HOOK3: variants seen among roughly 807,000 people sequenced by gnomAD.
HOOK3 encodes the protein protein Hook homolog 3.
HOOK3 carries 24 observed loss-of-function variants against 116.3 expected under a neutral mutation model. That is an observed-to-expected ratio of 0.21 (90% CI 0.15 to 0.29). HOOK3 has a LOEUF of 0.29. Among genes scored for constraint, HOOK3 ranks in the 10% least tolerant of loss-of-function variants. HOOK3 has a pLI of 1.00. For synonymous variants in HOOK3, 275 were observed against 283.0 expected, an observed-to-expected ratio of 0.97 and a Z score of 0.28; for missense variants, 632 against 830.2, an observed-to-expected ratio of 0.76 and a Z score of 2.93.
chr8:43,007,015 G>GTTT (rs1809504346), intron 17 of HOOK3, among the ~76,000 whole-genome samples: 1 of 124,612 alleles, frequency 8.0e-6, no homozygotes, highest in African/African-American at 3.2e-5. Flanking sequence ...TAAGTTCCTA[G>GTTT]ATTTTTTTTT....
chr8:42,934,094 T>C (rs1159065440), intron 4 of HOOK3, among the ~76,000 whole-genome samples: 3 of 151,942 alleles, frequency 2.0e-5, no homozygotes, highest in Non-Finnish European at 2.9e-5. Context: ...ATTACTTTAC[T>C]TTTCTTTACT....
chr8:43,027,243 C>T lies in HOOK3; in HGVS notation c.*8745C>T, dbSNP rs1398368558. Reference sequence around the variant, plus strand: ...ATATATAGCAAAGTTTTCAACTTGTCTACCGAGAGACTTTCTTTAGGAGCC... The same window carrying T: ...ATATATAGCAAAGTTTTCAACTTGTTTACCGAGAGACTTTCTTTAGGAGCC... On this transcript the variant is annotated 3_prime_UTR_variant, in exon 22 of 22. Transcript: ENST00000307602. The T allele has an allele frequency of 3.8e-6, 1 of 260,814 alleles. No individual in the cohort carries two copies. Among genetic ancestry groups the T allele is most frequent in the Non-Finnish European group, 7.6e-6 (1 of 131,170 alleles). The allele number at this position is 260,814 out of a possible 1,614,324, so 16.2% of individuals were successfully genotyped here. A position where few individuals can be genotyped will look rare whatever the true frequency, so the allele number is the denominator to read the frequency against.
intron 2 of HOOK3, among the ~76,000 whole-genome samples, chr8:42,919,327 C>T (rs1807601897): frequency 6.7e-6 from 1 of 148,622 alleles, no homozygotes; most frequent in African/African-American, 2.5e-5. Context: ...GGCAGAGACA[C>T]TCCTCAGATC....
At chr8:42,901,130 C>T (rs559784239) in intron 1 of HOOK3, among the ~76,000 whole-genome samples, 31 of 152,302 alleles carry the variant, frequency 2.0e-4, no homozygotes, top group African/African-American at 6.3e-4. Context: ...AATGTCTCCT[C>T]GGGAGCAAAA....
intron 14 of HOOK3, among the ~76,000 whole-genome samples, chr8:42,984,738 C>A (rs1232830068): frequency 6.6e-6 from 1 of 152,018 alleles, no homozygotes; most frequent in Non-Finnish European, 1.5e-5. Context: ...CCTGTCACTG[C>A]TAAAAATACA....
At chr8:43,010,465 C>G (rs866818021) in intron 19 of HOOK3, 60 bp downstream of exon 19, 1 of 513,282 alleles carries the variant, frequency 1.9e-6, no homozygotes, top group Middle Eastern at 3.0e-4. Context: ...AGTGAAGTCT[C>G]AAATATAATG....
intron 2 of HOOK3, among the ~76,000 whole-genome samples, chr8:42,912,134 T>C (rs1807442019): frequency 6.6e-6 from 1 of 151,896 alleles, no homozygotes; most frequent in South Asian, 2.1e-4. Context: ...GCCAGGTGAG[T>C]GTGGGTGCCA....
At chr8:42,969,078 C>A (rs975840951) in intron 11 of HOOK3, among the ~76,000 whole-genome samples, 4 of 152,162 alleles carry the variant, frequency 2.6e-5, no homozygotes, top group Middle Eastern at 3.4e-3. Context: ...CAAAATTTAT[C>A]TATTTTCCTG....
chr8:42,928,976 A>C (rs892068131), intron 3 of HOOK3, among the ~76,000 whole-genome samples: 1 of 152,188 alleles, frequency 6.6e-6, no homozygotes, highest in African/African-American at 2.4e-5. Context: ...TGGGAGGCAG[A>C]GGTTGCAGTG....
intron 2 of HOOK3, among the ~76,000 whole-genome samples, chr8:42,918,821 A>C (rs1476789074): frequency 6.6e-6 from 1 of 152,246 alleles, no homozygotes; most frequent in African/African-American, 2.4e-5. Context: ...TCCTATGTCT[A>C]CTTCTACACA....
Position 43,024,595 on chromosome 8 carries a change from A to T in HOOK3, c.*6097A>T, listed in dbSNP as rs537479893. The T allele has an allele frequency of 1.1e-4, 21 of 185,402 alleles. No homozygotes were observed. In the South Asian group the frequency reaches 2.2e-3, roughly 19 times the overall value. The allele number at this position is 185,402 out of a possible 1,614,324, so 11.5% of individuals were successfully genotyped here. A position where few individuals can be genotyped will look rare whatever the true frequency, so the allele number is the denominator to read the frequency against. On this transcript the variant is annotated 3_prime_UTR_variant, in exon 22 of 22. Transcript: ENST00000307602. ...AATAATGATTTGAATGTTTTATATC[A>T]TGAAGTTTTTTCTATGAGGAAGGCT... is the stretch of plus-strand genomic sequence containing the variant.
At chr8:42,910,858 C>T (rs564514548) in intron 2 of HOOK3, among the ~76,000 whole-genome samples, 3 of 152,284 alleles carry the variant, frequency 2.0e-5, no homozygotes, top group African/African-American at 7.2e-5. Context: ...ACTGTTGTAA[C>T]AAGTGGTACA....
rs117419522 is a variant in HOOK3 at position 42,964,719 on chromosome 8, C to T, written c.779+245C>T. Among the ~76,000 whole-genome samples the T allele has an allele frequency of 3.2e-3, 484 of 151,526 alleles. 3 individuals carry two copies. The highest frequency in any genetic ancestry group is 6.8e-3 in the Middle Eastern group (2 of 292). On this transcript the variant is annotated intron_variant, in intron 9 of 21. Transcript: ENST00000307602. ...GCAGGTGCCTGTAATCCTAGCTACT[C>T]GGGAGGCTGAGAAATGAGAATCGCG...
intron 4 of HOOK3, among the ~76,000 whole-genome samples, chr8:42,937,836 A>G (rs908649282): frequency 2.0e-5 from 3 of 152,134 alleles, no homozygotes; most frequent in Non-Finnish European, 2.9e-5. Context: ...GAATAAGTGC[A>G]ATGTGGTGCT....
intron 1 of HOOK3, among the ~76,000 whole-genome samples, chr8:42,897,656 G>A (rs1041455052): frequency 1.3e-5 from 2 of 152,236 alleles, no homozygotes; most frequent in African/African-American, 4.8e-5. Context: ...GGCGGTGGGA[G>A]TGCGCGAGGG....
At chr8:42,900,513 C>T (rs1022999644) in intron 1 of HOOK3, among the ~76,000 whole-genome samples, 3 of 152,136 alleles carry the variant, frequency 2.0e-5, no homozygotes, top group African/African-American at 7.2e-5. Context: ...AAAATGCATA[C>T]TAGTATATAG....
intron 5 of HOOK3, among the ~76,000 whole-genome samples, chr8:42,948,196 A>G (rs903293337): frequency 6.6e-6 from 1 of 152,188 alleles, no homozygotes; most frequent in Admixed American, 6.5e-5. Flanking sequence ...CTAGACAAGG[A>G]CAAAAACTCA....
At chr8:42,929,432 C>T (rs1807831663) in intron 3 of HOOK3, among the ~76,000 whole-genome samples, 1 of 152,134 alleles carries the variant, frequency 6.6e-6, no homozygotes, top group Non-Finnish European at 1.5e-5. Flanking sequence ...CACCCAGGGA[C>T]AGCTAGATCA....
intron 21 of HOOK3, 147 bp from the exon 22 acceptor site, chr8:43,018,211 T>C (rs1809757620): frequency 1.5e-6 from 1 of 685,262 alleles, no homozygotes; most frequent in Non-Finnish European, 2.2e-6. Flanking sequence ...AATGCCTCTA[T>C]GAGATTTTAA....
Sources: allele counts gnomAD v4.1 joint callset (sites outside exome capture counted in the v4.1 genomes callset), GRCh38; gene constraint gnomAD v4.1.1; transcripts MANE v1.5; gene names NCBI Gene and HGNC (gene_info 2026-07-23, HGNC 2026-07-21).